The following RALGAPA2 variants were observed in gnomAD, a reference collection of about 807,000 sequenced individuals.
The protein encoded by RALGAPA2 is Ral GTPase activating protein catalytic subunit alpha 2.
RALGAPA2 carries 139 observed loss-of-function variants against 230.4 expected under a neutral mutation model. That is an observed-to-expected ratio of 0.60 (90% CI 0.53 to 0.69). The LOEUF (loss-of-function observed/expected upper bound fraction) is 0.69, where lower values mean the gene tolerates loss of function less well. Among genes scored for constraint, RALGAPA2 ranks in the 30% least tolerant of loss-of-function variants. The probability of loss-of-function intolerance (pLI) is 0.00; values close to 1 mark genes in which losing one functional copy is unlikely to be tolerated. For synonymous variants in RALGAPA2, 847 were observed against 837.8 expected, an observed-to-expected ratio of 1.01 and a Z score of -0.19; for missense variants, 2,163 against 2,276.0, an observed-to-expected ratio of 0.95 and a Z score of 1.01.
At chr20:20,536,525 A>T in intron 25 of RALGAPA2, 131 bp downstream of exon 25, 1 of 1,029,604 alleles carries the variant, frequency 9.7e-7, no homozygotes, top group Non-Finnish European at 1.4e-6. Flanking sequence ...AGAAACAACT[A>T]CTGAAACATT....
intron 38 of RALGAPA2, among the ~76,000 whole-genome samples, chr20:20,405,296 T>C (rs542103015): frequency 6.6e-6 from 1 of 152,254 alleles, no homozygotes; most frequent in Non-Finnish European, 1.5e-5. Context: ...AAATAGCCAT[T>C]TTTTTTGTGT....
At chr20:20,692,735 G>A (rs575547298) in intron 1 of RALGAPA2, among the ~76,000 whole-genome samples, 2 of 152,284 alleles carry the variant, frequency 1.3e-5, no homozygotes, top group African/African-American at 4.8e-5. Flanking sequence ...CTATCTGGGT[G>A]CAATGGCTGT....
intron 25 of RALGAPA2, among the ~76,000 whole-genome samples, chr20:20,536,025 G>A (rs930891296): frequency 6.6e-6 from 1 of 152,206 alleles, no homozygotes; most frequent in African/African-American, 2.4e-5. Context: ...CATTCAGCCC[G>A]CGGGAGTAGA....
Position 20,411,086 on chromosome 20 carries a change from G to C in RALGAPA2, c.5617+941C>G, listed in dbSNP as rs186156930. Among the ~76,000 whole-genome samples the C allele has an allele frequency of 1.6e-4, 24 of 152,270 alleles. No homozygotes were observed. In the East Asian group the frequency reaches 4.4e-3, roughly 28 times the overall value. ...TTGTGTATAAGATATTTGTTAACAA[G>C]TCAGAATAGGAGAAGTAAGGCAGTG... is the stretch of plus-strand genomic sequence containing the variant. On this transcript the variant is annotated intron_variant, in intron 38 of 39. Transcript: ENST00000202677.
chr20:20,579,959 T>A (rs1435742438), intron 20 of RALGAPA2, among the ~76,000 whole-genome samples: 5 of 152,200 alleles, frequency 3.3e-5, no homozygotes, highest in Non-Finnish European at 5.9e-5. Flanking sequence ...TAAGTAAATG[T>A]CATAGAATTT....
chr20:20,441,858 C>G (rs2123066975), intron 37 of RALGAPA2, among the ~76,000 whole-genome samples: 1 of 151,874 alleles, frequency 6.6e-6, no homozygotes, highest in Middle Eastern at 3.4e-3. Flanking sequence ...TGAAATTATC[C>G]TGAAGTATAC....
chr20:20,616,628 G>A (rs2146321240), intron 12 of RALGAPA2, among the ~76,000 whole-genome samples: 1 of 152,274 alleles, frequency 6.6e-6, no homozygotes, highest in South Asian at 2.1e-4. Context: ...AGAACTATGT[G>A]ATTCTTATTG....
At chr20:20,428,439 C>T (rs1230795062) in intron 37 of RALGAPA2, among the ~76,000 whole-genome samples, 2 of 152,160 alleles carry the variant, frequency 1.3e-5, no homozygotes, top group Non-Finnish European at 2.9e-5. Context: ...TACGTCTTTT[C>T]TTGATAGATC....
intron 37 of RALGAPA2, among the ~76,000 whole-genome samples, chr20:20,453,075 G>C (rs1332713221): frequency 6.6e-6 from 1 of 152,214 alleles, no homozygotes; most frequent in South Asian, 2.1e-4. Flanking sequence ...TGACATAATA[G>C]ATTGTGTTAA....
At chr20:20,548,014 C>G (rs1359898273) in intron 23 of RALGAPA2, among the ~76,000 whole-genome samples, 2 of 152,136 alleles carry the variant, frequency 1.3e-5, no homozygotes, top group Non-Finnish European at 2.9e-5. Flanking sequence ...GGACCACCAT[C>G]ATATATGTGG....
chr20:20,436,734 C>A (rs955597890), intron 37 of RALGAPA2, among the ~76,000 whole-genome samples: 4 of 152,204 alleles, frequency 2.6e-5, no homozygotes, highest in Non-Finnish European at 4.4e-5. Context: ...AAGAATAAAA[C>A]CCTGGCCTAG....
chr20:20,677,010 T>A (rs1258571818), intron 2 of RALGAPA2, among the ~76,000 whole-genome samples: 1 of 152,202 alleles, frequency 6.6e-6, no homozygotes, highest in Non-Finnish European at 1.5e-5. Context: ...TGTGGACCCC[T>A]GATCTAACTG....
chr20:20,443,124 C>T (rs571539116), intron 37 of RALGAPA2, among the ~76,000 whole-genome samples: 92 of 152,318 alleles, frequency 6.0e-4, no homozygotes, highest in African/African-American at 2.1e-3. Context: ...TTAATATCCA[C>T]GTTTTCCTTA....
At chr20:20,490,032 G>C (rs73289157) in intron 36 of RALGAPA2, among the ~76,000 whole-genome samples, 2 of 152,236 alleles carry the variant, frequency 1.3e-5, no homozygotes, top group Non-Finnish European at 2.9e-5. Context: ...AATCAGTTGA[G>C]AAGAAATTCT....
At chr20:20,418,535 A>G (rs2060211372) in intron 37 of RALGAPA2, among the ~76,000 whole-genome samples, 1 of 152,214 alleles carries the variant, frequency 6.6e-6, no homozygotes, top group East Asian at 1.9e-4. Context: ...TGATTATAAC[A>G]TGTTACAGGC....
Position 20,640,814 on chromosome 20 carries a change from T to G in RALGAPA2, c.437A>C (p.Glu146Ala), listed in dbSNP as rs745789797. 36 of 1,613,770 alleles carry G rather than the reference T, an allele frequency of 2.2e-5. No homozygotes were observed. The East Asian group carries it at 7.6e-4, about 34-fold the overall frequency. The change falls in exon 6 of 40, where the codon GAA becomes GCA. Residue 146 changes from glutamate (E) to alanine (A), a missense_variant. Physicochemically the swap from Glu to Ala is moderately radical, Grantham distance 107. Transcript: ENST00000202677. ...GCAAGCAAAAATCAGAACCTGCTCTTCTGCACAGTTTGTCTGAAGTGCTTG... is the reference window on the plus strand; with the variant it reads ...GCAAGCAAAAATCAGAACCTGCTCTGCTGCACAGTTTGTCTGAAGTGCTTG... ...WLQALQTNCA[E>A]EQVLIFACLV... is the part of the protein sequence containing the mutation.
Position 20,400,062 on chromosome 20 carries a change from C to T in RALGAPA2, c.5618-3328G>A, listed in dbSNP as rs888488834. Among the ~76,000 whole-genome samples, 6 of 152,168 alleles carry T rather than the reference C, an allele frequency of 3.9e-5. No individual in the cohort carries two copies. In the South Asian group the frequency reaches 1.0e-3, roughly 26 times the overall value. On this transcript the variant is annotated intron_variant, in intron 38 of 39. Transcript: ENST00000202677. ...GCTAAATATCCTACCAGCAGGAAGG[C>T]GGACAGAGTGGGAGATCAGAGAGCT...
intron 33 of RALGAPA2, among the ~76,000 whole-genome samples, chr20:20,507,932 ACTC>A (rs1434774022): frequency 1.3e-5 from 2 of 151,892 alleles, no homozygotes; most frequent in Non-Finnish European, 2.9e-5. Flanking sequence ...ATATGTAAAA[ACTC>A]CTCAGCATTT....
intron 1 of RALGAPA2, among the ~76,000 whole-genome samples, chr20:20,686,648 T>C (rs2068712071): frequency 6.6e-6 from 1 of 152,122 alleles, no homozygotes; most frequent in African/African-American, 2.4e-5. Flanking sequence ...TATAGAAATG[T>C]CAGTAGTTTT....
Sources: gnomAD v4.1 joint callset for allele counts (sites outside exome capture counted in the v4.1 genomes callset) on GRCh38, gnomAD v4.1.1 for gene constraint, MANE v1.5 for transcripts, NCBI Gene and HGNC (gene_info 2026-07-23, HGNC 2026-07-21) for gene names.